AK1: variants seen among roughly 807,000 people sequenced by gnomAD.
AK1 encodes the protein adenylate kinase 1.
In AK1, 13 loss-of-function variants were observed where a neutral mutation model predicts 23.9. The observed-to-expected ratio is 0.54, with a 90% CI of 0.35 to 0.86. AK1 has a LOEUF of 0.86. AK1 is among the 40% of genes least tolerant of loss of function. AK1 has a pLI of 0.01. For synonymous variants in AK1, 97 were observed against 102.8 expected (o/e 0.94, Z 0.34); for missense variants, 214 against 255.1 (o/e 0.84, Z 1.10).
At chr9:127,870,608 A>G (rs975548476) in intron 5 of AK1, among the ~76,000 whole-genome samples, 1 of 152,182 alleles carries the variant, frequency 6.6e-6, no homozygotes, top group African/African-American at 2.4e-5. Context: ...GTGGCACCTA[A>G]CACAGGGTCA....
chr9:127,868,020 G>A lies in AK1; in HGVS notation c.573C>T (p.Asp191=), dbSNP rs749438351. ...GGCTCCAGCGTTGCTACTTTAGGGC[G>A]TCCAGGTGGGTGCAGACCTGGGAGA... ...SVFSQVCTHL[D]ALK is the part of the protein sequence containing the mutation. Residue 191 remains aspartate (D), a synonymous_variant, in exon 7 of 7, where the codon GAC becomes GAT. Coordinates refer to ENST00000644144, the MANE Select transcript of AK1 (RefSeq NM_000476.3). This position sits in a 1 kb window ranked among gnomAD's most constrained non-coding sequence, Gnocchi z 4.1. 11 of 1,614,162 alleles carry A rather than the reference G, an allele frequency of 6.8e-6. No individual in the cohort carries two copies. Among genetic ancestry groups the A allele is most frequent in the Middle Eastern group, 3.3e-4 (2 of 6,060 alleles).
intron 5 of AK1, among the ~76,000 whole-genome samples, chr9:127,870,225 G>A (rs1382950957): frequency 2.4e-5 from 3 of 124,806 alleles, no homozygotes; most frequent in Admixed American, 1.9e-4. Flanking sequence ...TTTTTGAGAC[G>A]GAGTCTCATT....
chr9:127,872,415 G>A (rs1241799956), intron 4 of AK1, among the ~76,000 whole-genome samples: 1 of 152,136 alleles, frequency 6.6e-6, no homozygotes, highest in Non-Finnish European at 1.5e-5. Context: ...AATATTCCAG[G>A]CTGGAAGGAG....
rs1391992742 is a variant in AK1 at position 127,867,963 on chromosome 9, C to CGGGGT, written c.*40_*44dup. On this transcript the variant is annotated 3_prime_UTR_variant, in exon 7 of 7. Coordinates refer to ENST00000644144, the MANE Select transcript of AK1 (RefSeq NM_000476.3). ...AGGCCAGGAGGACCTCGAATCAGGA[C>CGGGGT]GGGGTGGGGCGGGGCTCTGAGCTGG... 35 of 1,593,572 alleles carry CGGGGT rather than the reference C, an allele frequency of 2.2e-5. No individual in the cohort carries two copies. Among genetic ancestry groups the CGGGGT allele is most frequent in the African/African-American group, 2.7e-5 (2 of 74,372 alleles).
chr9:127,871,937 C>T lies in AK1; in HGVS notation c.210G>A (p.Glu70=), dbSNP rs2131402030. 6.2e-7 allele frequency: 1 copy of T among 1,613,512 alleles called. No individual in the cohort carries two copies. The highest frequency in any genetic ancestry group is 2.2e-5 in the East Asian group (1 of 44,882). ...IMEKGQLVPL[E]TVLDMLRDAM... ...CATCCCGGAGCATGTCCAACACTGT[C>T]TCCTGGGGCACAGCAAAGGAGGAAG... Residue 70 remains glutamate (E), a splice_region_variant and synonymous_variant, in exon 5 of 7, where the codon GAG becomes GAA. Transcript: ENST00000644144. This position sits in a 1 kb window ranked among gnomAD's most constrained non-coding sequence, Gnocchi z 4.4.
Position 127,871,838 on chromosome 9 carries a change from T to C in AK1, c.309A>G (p.Glu103=). 5 of 1,614,110 alleles carry C rather than the reference T, an allele frequency of 3.1e-6. No homozygotes were observed. The highest frequency in any genetic ancestry group is 4.2e-6 in the Non-Finnish European group (5 of 1,180,006). Residue 103 remains glutamate, a synonymous_variant, in exon 5 of 7, where the codon GAA becomes GAG. Coordinates refer to ENST00000644144, the MANE Select transcript of AK1 (RefSeq NM_000476.3). This position sits in a 1 kb window ranked among gnomAD's most constrained non-coding sequence, Gnocchi z 4.4. Reference sequence around the variant, plus strand: ...AGTGCCTTACCCGTCGCTCAAACTCTTCTCCTTGCTGCACCTCCCGCGGGT... The same window carrying C: ...AGTGCCTTACCCGTCGCTCAAACTCCTCTCCTTGCTGCACCTCCCGCGGGT... ...DGYPREVQQG[E]EFERRIGQPT... is the part of the protein sequence containing the mutation.
rs1263142317 is a variant in AK1, at chr9:127,867,410, A to G, written c.*598T>C. 1 of 155,204 alleles carries G rather than the reference A, an allele frequency of 6.4e-6. No homozygotes were observed. Among genetic ancestry groups the G allele is most frequent in the Non-Finnish European group, 1.4e-5 (1 of 69,966 alleles). 9.6% of individuals were successfully genotyped at this position (155,204 alleles called of 1,614,324 possible). A position where few individuals can be genotyped will look rare whatever the true frequency, so the allele number is the denominator to read the frequency against. On this transcript the variant is annotated 3_prime_UTR_variant, in exon 7 of 7. Transcript: ENST00000644144. Reference sequence around the variant, plus strand: ...AGAGCCTCTCGCGTCAAGGAAGCCAATTCACTACCCACTGGGCCAGCTGGC... The same window carrying G: ...AGAGCCTCTCGCGTCAAGGAAGCCAGTTCACTACCCACTGGGCCAGCTGGC...
rs56263300 is a variant in AK1 at position 127,867,442 on chromosome 9, C to A, written c.*566G>T. 2 of 157,162 alleles carry A rather than the reference C, an allele frequency of 1.3e-5. No individual in the cohort carries two copies. Among genetic ancestry groups the A allele is most frequent in the South Asian group, 3.8e-4 (2 of 5,200 alleles). The allele number at this position is 157,162 out of a possible 1,614,324, so 9.7% of individuals were successfully genotyped here. A position where few individuals can be genotyped will look rare whatever the true frequency, so the allele number is the denominator to read the frequency against. On this transcript the variant is annotated 3_prime_UTR_variant, in exon 7 of 7. Coordinates refer to ENST00000644144, the MANE Select transcript of AK1 (RefSeq NM_000476.3). Reference sequence around the variant, plus strand: ...ACCCACTGGGCCAGCTGGCGTGGGCCGCCCCAACTGCCCAGGAAGCCCCAC... The same window carrying A: ...ACCCACTGGGCCAGCTGGCGTGGGCAGCCCCAACTGCCCAGGAAGCCCCAC...
chr9:127,879,363 A>G (rs1040972651), upstream of AK1, among the ~76,000 whole-genome samples: 23 of 152,040 alleles, frequency 1.5e-4, no homozygotes, highest in African/African-American at 5.1e-4. Context: ...GGTGGCTCAC[A>G]CCTGTAATCC....
chr9:127,875,022 A>G (rs1009935), intron 1 of AK1: 265,402 of 283,324 alleles, frequency 0.94, 125,237 homozygotes, highest in East Asian at 1. Context: ...AACAGGGCGC[A>G]GGGCCAGCGT....
Position 127,868,592 on chromosome 9 carries a change from C to T in AK1, c.325-80G>A. The T allele has an allele frequency of 6.8e-7, 1 of 1,479,034 alleles. No homozygotes were observed. The highest frequency in any genetic ancestry group is 9.2e-7 in the Non-Finnish European group (1 of 1,089,392). 91.6% of individuals were successfully genotyped at this position (1,479,034 alleles called of 1,614,324 possible). The stretch of plus-strand genomic sequence containing the variant: ...CCTCCCCATCTTCCCATCTATGAAG[C>T]CCCAGTAGATACCCCCTCAGACCTT... On this transcript the variant is annotated intron_variant, in intron 5 of 6. Coordinates refer to ENST00000644144, the MANE Select transcript of AK1 (RefSeq NM_000476.3). This position sits in a 1 kb window ranked among gnomAD's most constrained non-coding sequence, Gnocchi z 4.1.
chr9:127,867,669 C>T lies in AK1; in HGVS notation c.*339G>A. The T allele has an allele frequency of 2.8e-6, 1 of 358,492 alleles. No homozygotes were observed. Among genetic ancestry groups the T allele is most frequent in the Non-Finnish European group, 5.4e-6 (1 of 186,108 alleles). 22.2% of individuals were successfully genotyped at this position (358,492 alleles called of 1,614,324 possible). On this transcript the variant is annotated 3_prime_UTR_variant, in exon 7 of 7. Coordinates refer to ENST00000644144, the MANE Select transcript of AK1 (RefSeq NM_000476.3). ...GCGCCGGGTCCTCAGGCCAGGCATG[C>T]CCTGTGCGAGGAAGGGCCCCGGGCC...
intron 2 of AK1, chr9:127,874,229 C>A (rs1258708129): frequency 1.6e-5 from 16 of 985,304 alleles, no homozygotes; most frequent in Non-Finnish European, 1.9e-5. Context: ...AAGACTTCCT[C>A]AAGGCCCACC....
At chr9:127,870,072 T>C (rs1829353193) in intron 5 of AK1, among the ~76,000 whole-genome samples, 1 of 152,126 alleles carries the variant, frequency 6.6e-6, no homozygotes, top group Non-Finnish European at 1.5e-5. Flanking sequence ...GGTGAAGCCC[T>C]GGCGCCCCCT....
rs1241558133 is a variant in AK1, at chr9:127,867,204, T to C, written c.*804A>G. ...TTTTGTATTTTTAGTAAATAAGGGG[T>C]TTTGCCATGTTGGCCAGGCTGCTCT... On this transcript the variant is annotated 3_prime_UTR_variant, in exon 7 of 7. Transcript: ENST00000644144. The C allele has an allele frequency of 6.6e-6, 1 of 151,928 alleles. No individual in the cohort carries two copies. The highest frequency in any genetic ancestry group is 1.5e-5 in the Non-Finnish European group (1 of 67,990). The allele number at this position is 151,928 out of a possible 1,614,324, so 9.4% of individuals were successfully genotyped here. A position where few individuals can be genotyped will look rare whatever the true frequency, so the allele number is the denominator to read the frequency against.
intron 2 of AK1, chr9:127,874,072 G>A (rs1829482668): frequency 1.0e-6 from 1 of 985,282 alleles, no homozygotes. Flanking sequence ...CAGGCCCGCT[G>A]GGTGTCTTTA....
In AK1 at chr9:127,867,540, G is replaced by A. The variant is rs1197690261; in HGVS notation, c.*468C>T. ...CAGGCATGGAACATATGCTCAGAGC[G>A]ATGGGGGTCAGGGCCAAGGCCACAG... is the stretch of plus-strand genomic sequence containing the variant. On this transcript the variant is annotated 3_prime_UTR_variant, in exon 7 of 7. Transcript: ENST00000644144. 5 of 216,786 alleles carry A rather than the reference G, an allele frequency of 2.3e-5. No homozygotes were observed. Among genetic ancestry groups the A allele is most frequent in the Non-Finnish European group, 4.7e-5 (5 of 106,910 alleles). The allele number at this position is 216,786 out of a possible 1,614,324, so 13.4% of individuals were successfully genotyped here.
intron 1 of AK1, among the ~76,000 whole-genome samples, chr9:127,875,551 C>T (rs1249471334): frequency 6.6e-6 from 1 of 151,854 alleles, no homozygotes; most frequent in African/African-American, 2.4e-5. Flanking sequence ...CGCACCGGGA[C>T]CTCCACCCAA....
In AK1 at chr9:127,874,652, G is replaced by A. The variant is rs540175148; in HGVS notation, c.-32-3C>T. The A allele has an allele frequency of 3.0e-5, 49 of 1,613,574 alleles. 2 individuals carry two copies. The South Asian group carries it at 5.3e-4, about 17-fold the overall frequency. On this transcript the variant is annotated splice_polypyrimidine_tract_variant and splice_region_variant and intron_variant, in intron 1 of 6. Transcript: ENST00000644144. ...GTCCCGGGAGCCGTGTCAGTGCTCT[G>A]TAAGACAAGGGCACAGGTTGGGGAG...
Sources: allele counts gnomAD v4.1 joint callset (sites outside exome capture counted in the v4.1 genomes callset), GRCh38; gene constraint gnomAD v4.1.1; non-coding constraint Gnocchi (gnomAD v3.1); transcripts MANE v1.5; gene names NCBI Gene and HGNC (gene_info 2026-07-23, HGNC 2026-07-21).